SCAPER: variants seen among roughly 807,000 people sequenced by gnomAD.
SCAPER encodes the protein S phase cyclin A-associated protein in the endoplasmic reticulum.
Under a neutral mutation model 182.2 loss-of-function variants are expected in SCAPER, and 98 were observed. That is an observed-to-expected ratio of 0.54 (90% confidence interval 0.46 to 0.64). The LOEUF (loss-of-function observed/expected upper bound fraction) is 0.64. SCAPER is among the 30% of genes least tolerant of loss of function. The pLI is 0.00. For missense variants in SCAPER, 1,432 were observed against 1,690.0 expected (o/e 0.85, Z 2.68); for synonymous variants, 605 against 564.6 (o/e 1.07, Z -1.01).
At chr15:76,782,823 T>G (rs1162439936) in intron 8 of SCAPER, among the ~76,000 whole-genome samples, 1 of 152,044 alleles carries the variant, frequency 6.6e-6, no homozygotes. Context: ...AAGATGTTCT[T>G]TGAAACCAAG....
At chr15:76,582,629 G>A (rs772992694) in intron 22 of SCAPER, among the ~76,000 whole-genome samples, 6 of 152,098 alleles carry the variant, frequency 3.9e-5, no homozygotes, top group African/African-American at 9.7e-5. Flanking sequence ...TACAGAAGAC[G>A]CAAAATAGCC....
chr15:76,411,781 T>C lies in SCAPER; in HGVS notation c.3312-7102A>G, dbSNP rs72738817. ...GTTGTTCTATATCCTTACCAACATC[T>C]GGTATCATCAATCTTTTTTATTTTA... On this transcript the variant is annotated intron_variant, in intron 26 of 31. Transcript: ENST00000563290. 7.3e-3 allele frequency among the ~76,000 whole-genome samples: 1,106 copies of C among 152,302 alleles called. 9 individuals are homozygous for C. The highest frequency in any genetic ancestry group is 0.012 in the Non-Finnish European group (841 of 68,008).
intron 29 of SCAPER, among the ~76,000 whole-genome samples, chr15:76,359,419 G>C (rs967076407): frequency 1.3e-5 from 2 of 152,206 alleles, no homozygotes; most frequent in Non-Finnish European, 2.9e-5. Flanking sequence ...GGCAGAGTAG[G>C]AAATGTATTC....
chr15:76,696,238 C>T (rs1298717690), intron 20 of SCAPER, among the ~76,000 whole-genome samples: 1 of 152,198 alleles, frequency 6.6e-6, no homozygotes, highest in African/African-American at 2.4e-5. Flanking sequence ...CCAAGACAGT[C>T]AGCTTACATT....
At chr15:76,468,997 C>T (rs1054471543) in intron 25 of SCAPER, among the ~76,000 whole-genome samples, 2 of 152,126 alleles carry the variant, frequency 1.3e-5, no homozygotes, top group African/African-American at 4.8e-5. Context: ...TTCCAGACTA[C>T]AGAATGTGAG....
intron 5 of SCAPER, among the ~76,000 whole-genome samples, chr15:76,824,925 C>T (rs2067872975): frequency 6.6e-6 from 1 of 152,076 alleles, no homozygotes. Flanking sequence ...ACTGCAATTC[C>T]TAATCAATTT....
At chr15:76,505,974 T>C (rs910338951) in intron 23 of SCAPER, among the ~76,000 whole-genome samples, 8 of 152,180 alleles carry the variant, frequency 5.3e-5, no homozygotes, top group Admixed American at 5.2e-4. Context: ...GTCCTTATGT[T>C]AAGTGAAATG....
At chr15:76,439,263 G>C (rs2047401417) in intron 25 of SCAPER, among the ~76,000 whole-genome samples, 1 of 152,096 alleles carries the variant, frequency 6.6e-6, no homozygotes, top group Non-Finnish European at 1.5e-5. Flanking sequence ...TATTTTAGTA[G>C]AGATAGGGTT....
chr15:76,741,125 G>A (rs2151110898), intron 15 of SCAPER, among the ~76,000 whole-genome samples: 1 of 151,972 alleles, frequency 6.6e-6, no homozygotes, highest in East Asian at 1.9e-4. Flanking sequence ...CCTTAAAATG[G>A]AACTAAAATA....
At chr15:76,599,426 G>C (rs540030790) in intron 22 of SCAPER, among the ~76,000 whole-genome samples, 1 of 121,524 alleles carries the variant, frequency 8.2e-6, no homozygotes, top group African/African-American at 2.5e-5. Context: ...TCACCCAATA[G>C]AAATGAAAAC....
At chr15:76,861,643 A>G (rs2071880448) in intron 3 of SCAPER, among the ~76,000 whole-genome samples, 1 of 152,248 alleles carries the variant, frequency 6.6e-6, no homozygotes, top group Non-Finnish European at 1.5e-5. Flanking sequence ...AATGAGAACT[A>G]AAGAAATATC....
At chr15:76,862,950 T>C (rs754729594) in intron 2 of SCAPER, among the ~76,000 whole-genome samples, 20 of 152,190 alleles carry the variant, frequency 1.3e-4, no homozygotes, top group Non-Finnish European at 2.8e-4. Flanking sequence ...TCTCTAGAGA[T>C]TGCGCTAAAG....
intron 5 of SCAPER, among the ~76,000 whole-genome samples, chr15:76,823,000 T>G (rs940209462): frequency 6.6e-6 from 1 of 152,126 alleles, no homozygotes; most frequent in African/African-American, 2.4e-5. Flanking sequence ...AAAGATAACT[T>G]CCCAATACTC....
Position 76,494,519 on chromosome 15 carries a change from A to T in SCAPER, c.2954+10340T>A, listed in dbSNP as rs564666803. Among the ~76,000 whole-genome samples, 6 of 152,262 alleles carry T rather than the reference A, an allele frequency of 3.9e-5. 1 individual carries two copies. The highest frequency in any genetic ancestry group is 1.4e-4 in the African/African-American group (6 of 41,570). ...CAATATTTCAGTCTTCCAGCAACTCACAGTTTTTTTATATCAATGAAATGA... is the reference window on the plus strand; with the variant it reads ...CAATATTTCAGTCTTCCAGCAACTCTCAGTTTTTTTATATCAATGAAATGA... On this transcript the variant is annotated intron_variant, in intron 24 of 31. Transcript: ENST00000563290.
At chr15:76,708,370 C>T (rs541861086) in intron 17 of SCAPER, among the ~76,000 whole-genome samples, 317 of 148,200 alleles carry the variant, frequency 2.1e-3, no homozygotes, top group African/African-American at 7.7e-3. Flanking sequence ...AATAAAAATA[C>T]AGTATATCAA....
intron 17 of SCAPER, among the ~76,000 whole-genome samples, chr15:76,720,591 C>T (rs536124283): frequency 7.9e-5 from 12 of 151,994 alleles, no homozygotes; most frequent in South Asian, 4.2e-4. Flanking sequence ...CCAGCACCTG[C>T]TGTTTCCTGA....
chr15:76,673,952 T>TACACACACACACAC (rs71447120), intron 20 of SCAPER, among the ~76,000 whole-genome samples: 68 of 146,464 alleles, frequency 4.6e-4, no homozygotes, highest in African/African-American at 1.4e-3. Context: ...AATTTATCTA[T>TACACACACACACAC]ACACACACAC....
At chr15:76,722,084 A>T (rs1375514298) in intron 17 of SCAPER, among the ~76,000 whole-genome samples, 1 of 152,116 alleles carries the variant, frequency 6.6e-6, no homozygotes, top group Admixed American at 6.5e-5. Context: ...AGCTCTTATT[A>T]TTTTGAGATT....
In SCAPER at chr15:76,594,622, G is replaced by T. The variant is rs183800225; in HGVS notation, c.2712-20338C>A. On this transcript the variant is annotated intron_variant, in intron 22 of 31. Coordinates refer to ENST00000563290, the MANE Select transcript of SCAPER (RefSeq NM_020843.4). ...AAGGGAAGCCCATCAGACTAACAGC[G>T]GATCTCTCTGCAGAAACTCTACAAG... Among the ~76,000 whole-genome samples the T allele has an allele frequency of 1.2e-4, 14 of 121,546 alleles. 4 individuals are homozygous for T. Among genetic ancestry groups the T allele is most frequent in the Non-Finnish European group, 2.0e-5 (1 of 50,100 alleles). 79.7% of individuals were successfully genotyped at this position (121,546 alleles called of 152,430 possible). A position where few individuals can be genotyped will look rare whatever the true frequency, so the allele number is the denominator to read the frequency against.
Sources: gnomAD v4.1 joint callset for allele counts (sites outside exome capture counted in the v4.1 genomes callset) on GRCh38, gnomAD v4.1.1 for gene constraint, MANE v1.5 for transcripts, NCBI Gene and HGNC (gene_info 2026-07-23, HGNC 2026-07-21) for gene names.